TRIM5: variants seen among roughly 807,000 people sequenced by gnomAD.
TRIM5 encodes tripartite motif-containing protein 5.
A neutral mutation model predicts 35.6 loss-of-function variants in TRIM5; 31 were observed. The observed-to-expected ratio is 0.87, with a 90% CI of 0.65 to 1.18. The LOEUF is 1.18. Among genes scored for constraint, TRIM5 ranks in the 50% most tolerant of loss-of-function variants. The pLI is 0.00. For synonymous variants in TRIM5, 243 were observed against 215.6 expected (o/e 1.13, Z -1.11); for missense variants, 609 against 591.6 (o/e 1.03, Z -0.31).
At chr11:5,596,600 C>T in the TRIM5 span, 2 of 203,468 alleles carry the variant, frequency 9.8e-6, no homozygotes, top group African/African-American at 2.7e-5. Context: ...GAAGTGAGCA[C>T]CGTTTATCCC....
At chr11:5,618,595 A>T in the TRIM5 span, among the ~76,000 whole-genome samples, 6 of 152,220 alleles carry the variant, frequency 3.9e-5, no homozygotes, top group Non-Finnish European at 7.3e-5. Flanking sequence ...TTAACACCAC[A>T]GTCAGGAATG....
chr11:5,640,331 T>G, the TRIM5 span, among the ~76,000 whole-genome samples: 13 of 152,182 alleles, frequency 8.5e-5, no homozygotes, highest in Non-Finnish European at 1.8e-4. Context: ...TTTGTTTTGT[T>G]TTTTTTATGA....
At chr11:5,652,275 T>G in the TRIM5 span, among the ~76,000 whole-genome samples, 1 of 152,200 alleles carries the variant, frequency 6.6e-6, no homozygotes, top group African/African-American at 2.4e-5. Context: ...CTAGGTAATC[T>G]TCTAGGGTTT....
the TRIM5 span, chr11:5,608,365 T>G: frequency 2.5e-6 from 4 of 1,613,524 alleles, no homozygotes; most frequent in Non-Finnish European, 3.4e-6. Context: ...GTCTTTTTCC[T>G]TCCTAGGATG....
chr11:5,646,200 T>G, the TRIM5 span, among the ~76,000 whole-genome samples: 2 of 151,752 alleles, frequency 1.3e-5, no homozygotes, highest in Admixed American at 6.6e-5. Flanking sequence ...GAGGCACAGC[T>G]TTTTTGGAAA....
At chr11:5,594,657 C>G in the TRIM5 span, among the ~76,000 whole-genome samples, 1 of 152,006 alleles carries the variant, frequency 6.6e-6, no homozygotes, top group Non-Finnish European at 1.5e-5. Flanking sequence ...AAGCCCTATG[C>G]TGACAAGACT....
the TRIM5 span, chr11:5,610,233 CGAGTGTGTA>C: frequency 6.2e-7 from 1 of 1,613,924 alleles, no homozygotes; most frequent in Non-Finnish European, 8.5e-7. Flanking sequence ...AAGGATGCTG[CGAGTGTGTA>C]GAGGTAAGGA....
chr11:5,621,157 T>C, the TRIM5 span, among the ~76,000 whole-genome samples: 1 of 152,206 alleles, frequency 6.6e-6, no homozygotes, highest in Admixed American at 6.5e-5. Context: ...AGTCACCCCT[T>C]TATTGCAATG....
the TRIM5 span, among the ~76,000 whole-genome samples, chr11:5,635,299 A>G: frequency 7.1e-6 from 1 of 140,652 alleles, no homozygotes; most frequent in East Asian, 2.0e-4. Context: ...TCTGTCTCCC[A>G]GGCTGGAGTG....
chr11:5,627,132 C>T, the TRIM5 span, among the ~76,000 whole-genome samples: 3 of 152,004 alleles, frequency 2.0e-5, no homozygotes, highest in Non-Finnish European at 2.9e-5. Flanking sequence ...AATCCCAGCA[C>T]TGTGGGAGGC....
the TRIM5 span, among the ~76,000 whole-genome samples, chr11:5,657,706 AAATATATAT>A: frequency 7.6e-6 from 1 of 130,930 alleles, no homozygotes; most frequent in African/African-American, 3.0e-5. Context: ...TAATATATAT[AAATATATAT>A]ATATATTATA....
the TRIM5 span, among the ~76,000 whole-genome samples, chr11:5,626,274 G>A: frequency 6.6e-6 from 1 of 152,086 alleles, no homozygotes; most frequent in Non-Finnish European, 1.5e-5. Flanking sequence ...AATATACGTG[G>A]AAGCCTACAT....
the TRIM5 span, among the ~76,000 whole-genome samples, chr11:5,622,743 GC>G: frequency 6.6e-6 from 1 of 152,204 alleles, no homozygotes; most frequent in Admixed American, 6.5e-5. Context: ...CTCAACACAT[GC>G]TTTAACAAAT....
chr11:5,665,034 A>G lies in TRIM5; in HGVS notation c.1257T>C (p.His419=), dbSNP rs1396745794. 6.2e-7 allele frequency: 1 copy of G among 1,614,186 alleles called. No individual in the cohort carries two copies. The highest frequency in any genetic ancestry group is 1.7e-5 in the Admixed American group (1 of 60,020). Residue 419 remains histidine, a synonymous_variant, in exon 8 of 8, where the codon CAT becomes CAC. Coordinates refer to ENST00000380034, the MANE Select transcript of TRIM5 (RefSeq NM_033034.3). The part of the protein sequence containing the change: ...KCSAFQDSSF[H]TPSVPFIVPL... Reference sequence around the variant, plus strand: ...GCACAATGAAAGGAACAGAAGGAGTATGGAAGGAACTATCCTGGAAAGCAC... The same window carrying G: ...GCACAATGAAAGGAACAGAAGGAGTGTGGAAGGAACTATCCTGGAAAGCAC...
the TRIM5 span, chr11:5,619,661 A>G: frequency 1.5e-5 from 2 of 135,872 alleles, no homozygotes; most frequent in East Asian, 2.1e-4. Flanking sequence ...TCCTACCAGT[A>G]TATGACTCAG....
intron 5 of TRIM5, 60 bp from the exon 6 acceptor site, chr11:5,666,141 C>A: frequency 1.4e-6 from 2 of 1,383,828 alleles, no homozygotes; most frequent in Non-Finnish European, 2.0e-6. Flanking sequence ...CCGTGGAACA[C>A]CCCTGACTTC....
At chr11:5,602,769 C>T in the TRIM5 span, among the ~76,000 whole-genome samples, 4 of 151,526 alleles carry the variant, frequency 2.6e-5, no homozygotes, top group Non-Finnish European at 5.9e-5. Context: ...CCCTGGCTAA[C>T]ATGGTGAAAC....
At chr11:5,605,504 G>T in the TRIM5 span, 1 of 1,614,150 alleles carries the variant, frequency 6.2e-7, no homozygotes, top group Admixed American at 1.7e-5. Flanking sequence ...AGACCCAGTC[G>T]CTGCGAGAGC....
At chr11:5,628,672 C>G in the TRIM5 span, among the ~76,000 whole-genome samples, 1 of 152,308 alleles carries the variant, frequency 6.6e-6, no homozygotes, top group Middle Eastern at 3.4e-3. Context: ...CTTTCACTAT[C>G]AAACCTGTTC....
Sources: gnomAD v4.1 joint callset for allele counts (sites outside exome capture counted in the v4.1 genomes callset) on GRCh38, gnomAD v4.1.1 for gene constraint, MANE v1.5 for transcripts, NCBI Gene and HGNC (gene_info 2026-07-23, HGNC 2026-07-21) for gene names.